Variants in CCDC146 observed in about 807,000 individuals in gnomAD.
The protein encoded by CCDC146 is coiled-coil domain containing 146.
A neutral mutation model predicts 119.3 loss-of-function variants in CCDC146; 92 were observed. That is an observed-to-expected ratio of 0.77 (90% CI 0.65 to 0.92). The LOEUF (loss-of-function observed/expected upper bound fraction) is 0.92, where lower values mean the gene tolerates loss of function less well. CCDC146 is among the 40% of genes least tolerant of loss of function. The probability of loss-of-function intolerance (pLI) is 0.00; values close to 1 mark genes in which losing one functional copy is unlikely to be tolerated. For synonymous variants in CCDC146, 372 were observed against 371.8 expected (o/e 1.00, Z -0.01); for missense variants, 1,000 against 1,103.0 (o/e 0.91, Z 1.32).
At chr7:77,277,148 T>C (rs1303516704) in intron 11 of CCDC146, among the ~76,000 whole-genome samples, 1 of 152,160 alleles carries the variant, frequency 6.6e-6, no homozygotes, top group African/African-American at 2.4e-5. Flanking sequence ...GAAAGCCATC[T>C]TCACCAAGTC....
intron 9 of CCDC146, among the ~76,000 whole-genome samples, chr7:77,267,666 T>C (rs1230422154): frequency 6.6e-6 from 1 of 152,232 alleles, no homozygotes; most frequent in Non-Finnish European, 1.5e-5. Flanking sequence ...TTGTTATTAT[T>C]ATGAACATAT....
At chr7:77,268,812 A>G (rs946080632) in intron 9 of CCDC146, among the ~76,000 whole-genome samples, 3 of 152,232 alleles carry the variant, frequency 2.0e-5, no homozygotes, top group African/African-American at 7.2e-5. Context: ...GGAAAAAGGC[A>G]TTAGATTAAC....
chr7:77,180,317 C>T (rs1791567608), intron 2 of CCDC146, among the ~76,000 whole-genome samples: 1 of 152,028 alleles, frequency 6.6e-6, no homozygotes, highest in Non-Finnish European at 1.5e-5. Flanking sequence ...TTTATCCATT[C>T]ATCCACTGAT....
At chr7:77,213,647 C>T (rs1326407098) in intron 2 of CCDC146, among the ~76,000 whole-genome samples, 1 of 152,110 alleles carries the variant, frequency 6.6e-6, no homozygotes, top group Non-Finnish European at 1.5e-5. Context: ...CTGAAGTCCC[C>T]AGTGTCTATT....
chr7:77,190,372 C>A (rs75795921), intron 2 of CCDC146, among the ~76,000 whole-genome samples: 2 of 152,216 alleles, frequency 1.3e-5, no homozygotes, highest in African/African-American at 2.4e-5. Context: ...CTCTACATGT[C>A]TTCTCCAGCC....
At chr7:77,209,439 C>T (rs771933540) in intron 2 of CCDC146, among the ~76,000 whole-genome samples, 6 of 152,228 alleles carry the variant, frequency 3.9e-5, no homozygotes, top group African/African-American at 1.2e-4. Flanking sequence ...TGTGGCTCTG[C>T]AGAGTACAGC....
intron 2 of CCDC146, chr7:77,199,606 G>T (rs142066898): frequency 6.2e-6 from 10 of 1,614,126 alleles, no homozygotes; most frequent in Non-Finnish European, 8.5e-6. Context: ...AATAGTCAAG[G>T]GGGGCAGGCT....
chr7:77,208,447 T>C (rs1792119620), intron 2 of CCDC146, among the ~76,000 whole-genome samples: 1 of 152,186 alleles, frequency 6.6e-6, no homozygotes, highest in Admixed American at 6.5e-5. Flanking sequence ...CTGAATACTG[T>C]ATACAACTGT....
intron 4 of CCDC146, among the ~76,000 whole-genome samples, chr7:77,251,242 G>A (rs1299854448): frequency 1.3e-5 from 2 of 151,980 alleles, no homozygotes; most frequent in Admixed American, 1.3e-4. Context: ...GGCTGGTCTT[G>A]AACTCCTGAC....
intron 2 of CCDC146, among the ~76,000 whole-genome samples, chr7:77,215,673 C>T (rs1402743553): frequency 6.6e-6 from 1 of 152,014 alleles, no homozygotes; most frequent in African/African-American, 2.4e-5. Flanking sequence ...TGTCTCTTTT[C>T]TCCACATCAA....
intron 2 of CCDC146, among the ~76,000 whole-genome samples, chr7:77,201,447 G>A (rs907944398): frequency 6.6e-6 from 1 of 151,312 alleles, no homozygotes; most frequent in Non-Finnish European, 1.5e-5. Context: ...CCAGCTACTC[G>A]GGAGGCTGAG....
chr7:77,247,437 C>T (rs1466029848), intron 4 of CCDC146, among the ~76,000 whole-genome samples: 3 of 152,172 alleles, frequency 2.0e-5, no homozygotes, highest in African/African-American at 4.8e-5. Flanking sequence ...GGATCAATAC[C>T]TGGGAAGTAA....
chr7:77,199,167 A>AT (rs1286317774), intron 2 of CCDC146: 1 of 1,600,778 alleles, frequency 6.2e-7, no homozygotes, highest in South Asian at 1.1e-5. Context: ...ATAAGAAAAC[A>AT]TTATTATACA....
chr7:77,264,390 T>C (rs1414824921), intron 9 of CCDC146, among the ~76,000 whole-genome samples: 2 of 152,182 alleles, frequency 1.3e-5, no homozygotes, highest in Non-Finnish European at 2.9e-5. Flanking sequence ...CCCAAGAAGC[T>C]GGGATTACAG....
At chr7:77,237,761 C>G (rs1017776630) in intron 3 of CCDC146, among the ~76,000 whole-genome samples, 3 of 152,198 alleles carry the variant, frequency 2.0e-5, no homozygotes, top group Non-Finnish European at 4.4e-5. Context: ...GTCCAGCAAG[C>G]CTGCCTGAGC....
At chr7:77,257,456 C>G (rs1191723579) in intron 6 of CCDC146, among the ~76,000 whole-genome samples, 1 of 152,162 alleles carries the variant, frequency 6.6e-6, no homozygotes, top group African/African-American at 2.4e-5. Context: ...ATGTGCCCAG[C>G]TACTGTCCAG....
chr7:77,220,924 A>T (rs1792392012), intron 2 of CCDC146, among the ~76,000 whole-genome samples: 1 of 152,156 alleles, frequency 6.6e-6, no homozygotes, highest in East Asian at 1.9e-4. Context: ...AAAGAGGTTT[A>T]ATTGGCTCAT....
At chr7:77,210,221 T>G (rs898893640) in intron 2 of CCDC146, among the ~76,000 whole-genome samples, 4 of 152,234 alleles carry the variant, frequency 2.6e-5, no homozygotes, top group Admixed American at 6.5e-5. Flanking sequence ...CATATGAGTG[T>G]ATGCTGTTAG....
intron 1 of CCDC146, among the ~76,000 whole-genome samples, chr7:77,132,689 A>G (rs1790802677): frequency 6.6e-6 from 1 of 152,100 alleles, no homozygotes; most frequent in Non-Finnish European, 1.5e-5. Flanking sequence ...GTGAGCTATG[A>G]TTGTACCATC....
Sources: gnomAD v4.1 joint callset for allele counts (sites outside exome capture counted in the v4.1 genomes callset) on GRCh38, gnomAD v4.1.1 for gene constraint, MANE v1.5 for transcripts, NCBI Gene and HGNC (gene_info 2026-07-23, HGNC 2026-07-21) for gene names.